CIB4: variants seen among roughly 807,000 people sequenced by gnomAD.
CIB4 encodes calcium and integrin-binding family member 4.
A neutral mutation model predicts 25.8 loss-of-function variants in CIB4; 25 were observed. The ratio of observed to expected loss-of-function variants is 0.97; its 90% CI spans 0.71 to 1.35. CIB4 has a LOEUF of 1.35. CIB4 is among the 40% of genes most tolerant of loss of function. CIB4 has a pLI of 0.00. For missense variants in CIB4, 235 were observed against 228.2 expected, an observed-to-expected ratio of 1.03 and a Z score of -0.19; for synonymous variants, 75 against 81.4, an observed-to-expected ratio of 0.92 and a Z score of 0.42.
chr2:26,589,072 CTCTTCTTCTTCT>C lies in CIB4; in HGVS notation c.329-5186_329-5175del, dbSNP rs1184325583. ...CTTCTTCTTCTTCCTCTTCCTCTTCCTCTTCTTCTTCTTCTTCTTCTTCTTCTTCTTCTTCCT... is the reference window on the plus strand; with the variant it reads ...CTTCTTCTTCTTCCTCTTCCTCTTCCTCTTCTTCTTCTTCTTCTTCTTCCT... On this transcript the variant is annotated intron_variant, in intron 4 of 6. Coordinates refer to ENST00000288861, the MANE Select transcript of CIB4 (RefSeq NM_001029881.3). Among the ~76,000 whole-genome samples the C allele has an allele frequency of 4.2e-4, 17 of 40,830 alleles. 1 individual carries two copies. Among genetic ancestry groups the C allele is most frequent in the African/African-American group, 1.4e-3 (10 of 7,266 alleles). The allele number at this position is 40,830 out of a possible 152,430, so 26.8% of individuals were successfully genotyped here.
rs1024072362 is a variant in CIB4, at chr2:26,614,584, G to C, written c.186+14826C>G. On this transcript the variant is annotated intron_variant, in intron 3 of 6. Coordinates refer to ENST00000288861, the MANE Select transcript of CIB4 (RefSeq NM_001029881.3). ...GGTGCACCACAGGGCGCCCAGTTCC[G>C]GCTGGTCACTGGCTGGTCCTGCCAC... 2.0e-5 allele frequency among the ~76,000 whole-genome samples: 3 copies of C among 152,286 alleles called. No homozygotes were observed. The Middle Eastern group carries it at 0.01, about 518-fold the overall frequency.
At chr2:26,635,432 C>T (rs1017137541) in intron 2 of CIB4, among the ~76,000 whole-genome samples, 32 of 152,242 alleles carry the variant, frequency 2.1e-4, no homozygotes, top group African/African-American at 7.7e-4. Flanking sequence ...GTTACTTCTA[C>T]CTATCGGTCT....
At chr2:26,594,792 A>T (rs1668648415) in intron 4 of CIB4, among the ~76,000 whole-genome samples, 1 of 152,162 alleles carries the variant, frequency 6.6e-6, no homozygotes, top group Non-Finnish European at 1.5e-5. Context: ...AGCCCCAGAA[A>T]GGTGAAACGA....
intron 4 of CIB4, among the ~76,000 whole-genome samples, chr2:26,584,492 G>T (rs1197989866): frequency 6.6e-6 from 1 of 152,218 alleles, no homozygotes; most frequent in Non-Finnish European, 1.5e-5. Context: ...GGGGGACAAT[G>T]GTCCTTGTAG....
chr2:26,600,578 T>A (rs11678767), intron 3 of CIB4, among the ~76,000 whole-genome samples: 16,640 of 152,124 alleles, frequency 0.11, 1,010 homozygotes, highest in Middle Eastern at 0.17. Context: ...GAGTCCTCAG[T>A]TTACCTGAAG....
chr2:26,604,054 G>A (rs1038829876), intron 3 of CIB4, among the ~76,000 whole-genome samples: 9 of 149,100 alleles, frequency 6.0e-5, no homozygotes, highest in Non-Finnish European at 1.3e-4. Flanking sequence ...TCAATGCACA[G>A]CATAATCAAA....
chr2:26,591,516 G>A (rs1186480871), intron 4 of CIB4, among the ~76,000 whole-genome samples: 1 of 152,174 alleles, frequency 6.6e-6, no homozygotes, highest in Non-Finnish European at 1.5e-5. Flanking sequence ...GGCCCCAGGA[G>A]TCCTGCCTCA....
chr2:26,618,649 C>A (rs1301167658), intron 3 of CIB4, among the ~76,000 whole-genome samples: 1 of 152,210 alleles, frequency 6.6e-6, no homozygotes, highest in Non-Finnish European at 1.5e-5. Flanking sequence ...GAGAGCCAAG[C>A]CTGCCTTGGG....
chr2:26,641,094 T>C (rs1669627123), intron 1 of CIB4, among the ~76,000 whole-genome samples, 167 bp downstream of exon 1: 1 of 152,184 alleles, frequency 6.6e-6, no homozygotes, highest in Admixed American at 6.5e-5. Flanking sequence ...AGCATTAGTG[T>C]TAGTGTATTT....
Position 26,640,569 on chromosome 2 carries a change from T to C in CIB4, c.55-2A>G. 1 of 1,611,720 alleles carries C rather than the reference T, an allele frequency of 6.2e-7. No homozygotes were observed. Among genetic ancestry groups the C allele is most frequent in the Non-Finnish European group, 8.5e-7 (1 of 1,178,916 alleles). On this transcript the variant is annotated splice_acceptor_variant, in intron 1 of 6. Coordinates refer to ENST00000288861, the MANE Select transcript of CIB4 (RefSeq NM_001029881.3). LOFTEE classifies it high-confidence loss of function. ...ATTTCTGGTCAGGAAGGTCAGGGCC[T>C]GCAACAAATCACAGAGAAGCGACGT...
chr2:26,635,888 T>C (rs1452643636), intron 2 of CIB4, among the ~76,000 whole-genome samples: 1 of 152,212 alleles, frequency 6.6e-6, no homozygotes, highest in East Asian at 1.9e-4. Flanking sequence ...GCCAAAGTAA[T>C]ACAGTTAAAT....
intron 3 of CIB4, among the ~76,000 whole-genome samples, chr2:26,596,651 G>A (rs1668688463): frequency 6.6e-6 from 1 of 152,026 alleles, no homozygotes; most frequent in Non-Finnish European, 1.5e-5. Flanking sequence ...GGAGGCTGAG[G>A]CAGGAGAATC....
chr2:26,590,332 G>C (rs1017803713), intron 4 of CIB4, among the ~76,000 whole-genome samples: 16 of 146,374 alleles, frequency 1.1e-4, no homozygotes, highest in African/African-American at 3.5e-4. Flanking sequence ...CAGTGGGTTA[G>C]ATCAATGCTT....
chr2:26,610,627 G>C (rs958635669), intron 3 of CIB4, among the ~76,000 whole-genome samples: 2 of 152,176 alleles, frequency 1.3e-5, no homozygotes, highest in African/African-American at 2.4e-5. Context: ...AGACCTCTGG[G>C]CACCACACCT....
At chr2:26,593,379 CATATACACACACACAT>C (rs1668622833) in intron 4 of CIB4, among the ~76,000 whole-genome samples, 1 of 151,460 alleles carries the variant, frequency 6.6e-6, no homozygotes, top group Admixed American at 6.6e-5. Flanking sequence ...CACACGCACA[CATATACACACACACAT>C]ATATACACAC....
intron 3 of CIB4, among the ~76,000 whole-genome samples, chr2:26,609,506 G>A (rs1395191657): frequency 3.3e-5 from 5 of 152,156 alleles, no homozygotes; most frequent in Non-Finnish European, 7.4e-5. Context: ...AATGTGAAGC[G>A]AAGCAGACAT....
intron 2 of CIB4, among the ~76,000 whole-genome samples, chr2:26,638,887 G>A (rs1296030269): frequency 6.6e-6 from 1 of 151,970 alleles, no homozygotes; most frequent in Non-Finnish European, 1.5e-5. Flanking sequence ...GGGAGGCACA[G>A]GTTGCAGTGA....
intron 4 of CIB4, among the ~76,000 whole-genome samples, chr2:26,588,198 C>G (rs1304952899): frequency 6.6e-6 from 1 of 152,252 alleles, no homozygotes. Context: ...CTCTCAGAGA[C>G]CCTGCGGTGT....
intron 3 of CIB4, among the ~76,000 whole-genome samples, chr2:26,619,834 T>A (rs1669169052): frequency 2.9e-5 from 4 of 138,702 alleles, no homozygotes; most frequent in South Asian, 4.5e-4. Context: ...CTGATCTACA[T>A]CCCAGAATCC....
Sources: allele counts gnomAD v4.1 joint callset (sites outside exome capture counted in the v4.1 genomes callset), GRCh38; gene constraint gnomAD v4.1.1; transcripts MANE v1.5; gene names NCBI Gene and HGNC (gene_info 2026-07-23, HGNC 2026-07-21).